Variants in ZNRF1 observed in about 807,000 individuals in gnomAD.
ZNRF1 encodes the protein zinc and ring finger 1, also known as E3 ubiquitin-protein ligase ZNRF1.
In ZNRF1, 3 loss-of-function variants were observed where a neutral mutation model predicts 18.4. That is an observed-to-expected ratio of 0.16 (90% CI 0.07 to 0.42). The LOEUF (loss-of-function observed/expected upper bound fraction) is 0.42, where lower values mean the gene tolerates loss of function less well. Ranked by LOEUF, ZNRF1 falls within the 10% of genes least tolerant of loss-of-function variation. The pLI, the probability that ZNRF1 is intolerant of heterozygous loss-of-function variation, is 0.99. For synonymous variants in ZNRF1, 157 were observed against 144.2 expected (o/e 1.09, Z -0.64); for missense variants, 310 against 329.8 (o/e 0.94, Z 0.47).
chr16:75,066,101 C>G (rs1240910150), intron 1 of ZNRF1, among the ~76,000 whole-genome samples: 1 of 152,154 alleles, frequency 6.6e-6, no homozygotes, highest in African/African-American at 2.4e-5. Context: ...TCCAGAAGTT[C>G]AAGGGTAGAG....
intron 1 of ZNRF1, among the ~76,000 whole-genome samples, chr16:75,063,355 G>T (rs78474181): frequency 0.067 from 10,141 of 152,148 alleles, 380 homozygotes; most frequent in East Asian, 0.15. Flanking sequence ...ATTCCTGGAG[G>T]TGAGGGTTTA....
intron 1 of ZNRF1, among the ~76,000 whole-genome samples, chr16:75,002,822 C>A (rs867889061): frequency 1.3e-5 from 2 of 152,232 alleles, no homozygotes; most frequent in African/African-American, 2.4e-5. Context: ...CCACGTATAC[C>A]ATTCCCTAAT....
chr16:75,055,574 G>C (rs534820336), intron 1 of ZNRF1, among the ~76,000 whole-genome samples: 1 of 152,160 alleles, frequency 6.6e-6, no homozygotes, highest in Admixed American at 6.5e-5. Context: ...CTCCCTATGA[G>C]AGGCCTTTTC....
chr16:75,090,870 G>A (rs552429729), intron 1 of ZNRF1, among the ~76,000 whole-genome samples: 1 of 152,092 alleles, frequency 6.6e-6, no homozygotes, highest in Non-Finnish European at 1.5e-5. Flanking sequence ...CCAGAGTCAC[G>A]GCTTTTCATG....
rs569065171 is a variant in ZNRF1 at position 75,062,786 on chromosome 16, T to C, written c.425-30786T>C. Among the ~76,000 whole-genome samples, 5 of 152,354 alleles carry C rather than the reference T, an allele frequency of 3.3e-5. No homozygotes were observed. The East Asian group carries it at 9.6e-4, about 29-fold the overall frequency. ...CACACACAGGAGGAACGAGGAGGAA[T>C]CTTCTAAGTTACAGGCTGTGTGTGA... On this transcript the variant is annotated intron_variant, in intron 1 of 4. Coordinates refer to ENST00000335325, the MANE Select transcript of ZNRF1 (RefSeq NM_032268.5).
intron 3 of ZNRF1, 123 bp from the exon 4 acceptor site, chr16:75,106,359 C>A: frequency 1.1e-6 from 1 of 924,960 alleles, no homozygotes; most frequent in Middle Eastern, 2.1e-4. Flanking sequence ...CTGTGTTTCC[C>A]TGGGGTCCTT....
At chr16:75,018,106 T>C (rs1267206164) in intron 1 of ZNRF1, among the ~76,000 whole-genome samples, 1 of 152,228 alleles carries the variant, frequency 6.6e-6, no homozygotes, top group Non-Finnish European at 1.5e-5. Flanking sequence ...CATATCCACA[T>C]CACTCACAAC....
At chr16:75,101,047 C>T (rs1364284045) in intron 2 of ZNRF1, among the ~76,000 whole-genome samples, 1 of 152,190 alleles carries the variant, frequency 6.6e-6, no homozygotes, top group East Asian at 1.9e-4. Flanking sequence ...GATTCTCCTG[C>T]CTCAGCCTCC....
In ZNRF1 at chr16:75,075,715, G is replaced by A. The variant is rs371044135; in HGVS notation, c.425-17857G>A. Among the ~76,000 whole-genome samples, 20 of 152,334 alleles carry A rather than the reference G, an allele frequency of 1.3e-4. 2 individuals are homozygous for A. Among genetic ancestry groups the A allele is most frequent in the South Asian group, 1.0e-3 (5 of 4,824 alleles). On this transcript the variant is annotated intron_variant, in intron 1 of 4. Transcript: ENST00000335325. ...CTTCAAGGGGCTTATACTGTAAGGG[G>A]GCCACAGACAGCAGGTGCAGCAAAG...
intron 1 of ZNRF1, among the ~76,000 whole-genome samples, chr16:75,055,659 T>A (rs1348558572): frequency 6.6e-6 from 1 of 152,194 alleles, no homozygotes; most frequent in Non-Finnish European, 1.5e-5. Context: ...TACCAGCCTG[T>A]GGAGTCTCAT....
intron 1 of ZNRF1, among the ~76,000 whole-genome samples, chr16:75,016,187 T>A (rs1358976246): frequency 1.3e-5 from 2 of 152,104 alleles, no homozygotes. Context: ...TCTCCCAAAG[T>A]GCTGGGATTA....
intron 1 of ZNRF1, among the ~76,000 whole-genome samples, chr16:75,062,936 G>A (rs1235236306): frequency 1.3e-5 from 2 of 152,150 alleles, no homozygotes; most frequent in Non-Finnish European, 2.9e-5. Context: ...TTGCTCACCT[G>A]GAGATAGTGC....
At chr16:75,095,497 C>A in intron 2 of ZNRF1, 1 of 1,279,118 alleles carries the variant, frequency 7.8e-7, no homozygotes, top group Non-Finnish European at 1.0e-6. Flanking sequence ...GCCTCAAAAA[C>A]CCTATTCACT....
At chr16:75,089,221 A>C (rs930351309) in intron 1 of ZNRF1, among the ~76,000 whole-genome samples, 2 of 151,684 alleles carry the variant, frequency 1.3e-5, no homozygotes, top group Non-Finnish European at 2.9e-5. Flanking sequence ...TCCTGCCTCA[A>C]CCTCCCACGT....
At chr16:75,020,404 G>A (rs541151538) in intron 1 of ZNRF1, among the ~76,000 whole-genome samples, 8 of 151,908 alleles carry the variant, frequency 5.3e-5, no homozygotes, top group African/African-American at 1.7e-4. Flanking sequence ...GATAGCAATT[G>A]TGTATTATCT....
chr16:75,035,351 TA>T (rs1471002214), intron 1 of ZNRF1, among the ~76,000 whole-genome samples: 16 of 152,364 alleles, frequency 1.1e-4, no homozygotes, highest in African/African-American at 3.8e-4. Context: ...GTTTTTCTTA[TA>T]GAAAGTATAC....
chr16:75,087,885 G>C (rs1008517741), intron 1 of ZNRF1, among the ~76,000 whole-genome samples: 2 of 152,204 alleles, frequency 1.3e-5, no homozygotes, highest in Admixed American at 6.5e-5. Flanking sequence ...CCGCTGGGGC[G>C]CTGGCTGGCT....
chr16:75,000,464 A>G lies in ZNRF1; in HGVS notation c.424+369A>G, dbSNP rs942542489. The G allele has an allele frequency of 1.9e-5, 8 of 415,068 alleles. No homozygotes were observed. The East Asian group carries it at 2.4e-4, about 13-fold the overall frequency. The allele number at this position is 415,068 out of a possible 1,614,324, so 25.7% of individuals were successfully genotyped here. On this transcript the variant is annotated intron_variant, in intron 1 of 4. Transcript: ENST00000335325. ...GCAGCACTGTGCCTGCCTCACCGGTAACGGAGAGATGGAGCCAGTTGGAGC... is the reference window on the plus strand; with the variant it reads ...GCAGCACTGTGCCTGCCTCACCGGTGACGGAGAGATGGAGCCAGTTGGAGC...
chr16:75,069,782 G>A lies in ZNRF1; in HGVS notation c.425-23790G>A, dbSNP rs559933774. Among the ~76,000 whole-genome samples the A allele has an allele frequency of 4.6e-4, 70 of 152,184 alleles. 1 individual carries two copies. Among genetic ancestry groups the A allele is most frequent in the African/African-American group, 1.6e-3 (65 of 41,510 alleles). ...AGTCCAGATCTTCCCCCTGGGCCTC[G>A]GCCCCTCACACCAGATAAACCAGCT... On this transcript the variant is annotated intron_variant, in intron 1 of 4. Coordinates refer to ENST00000335325, the MANE Select transcript of ZNRF1 (RefSeq NM_032268.5).
Sources: allele counts gnomAD v4.1 joint callset (sites outside exome capture counted in the v4.1 genomes callset), GRCh38; gene constraint gnomAD v4.1.1; transcripts MANE v1.5; gene names NCBI Gene and HGNC (gene_info 2026-07-23, HGNC 2026-07-21).